Variants in ARHGAP10 observed in about 807,000 individuals in gnomAD.
ARHGAP10 encodes Rho GTPase activating protein 10.
Under a neutral mutation model 108.6 loss-of-function variants are expected in ARHGAP10, and 87 were observed. That is an observed-to-expected ratio of 0.80 (90% CI 0.67 to 0.96). The LOEUF is 0.96. Ranked by LOEUF, ARHGAP10 falls within the 40% of genes least tolerant of loss-of-function variation. The pLI is 0.00. For synonymous variants in ARHGAP10, 347 were observed against 341.1 expected (o/e 1.02, Z -0.19); for missense variants, 939 against 954.5 (o/e 0.98, Z 0.21).
Position 147,913,127 on chromosome 4 carries a change from G to A in ARHGAP10, c.1216G>A (p.Val406Ile), listed in dbSNP as rs139956461. 5.0e-5 allele frequency: 81 copies of A among 1,613,598 alleles called. No individual in the cohort carries two copies. The highest frequency in any genetic ancestry group is 2.3e-4 in the African/African-American group (17 of 75,006). ...AATTATCAGAAAATGCATCAGTGCC[G>A]TTGAAACACGAGGTAATATGATTGA... is the stretch of plus-strand genomic sequence containing the variant. Reference protein sequence around the residue: ...FTIIRKCISAVETRGINDQGL... With the variant: ...FTIIRKCISAIETRGINDQGL... The change falls in exon 13 of 23, where the codon GTT becomes ATT. Residue 406 changes from valine (V) to isoleucine (I), a missense_variant. Transcript: ENST00000336498.
chr4:147,925,905 ACT>A (rs1737443863), intron 13 of ARHGAP10, among the ~76,000 whole-genome samples: 1 of 152,254 alleles, frequency 6.6e-6, no homozygotes, highest in South Asian at 2.1e-4. Context: ...AGGAGGAAAA[ACT>A]CTGAATGCAG....
intron 4 of ARHGAP10, among the ~76,000 whole-genome samples, chr4:147,848,397 G>C (rs1001739886): frequency 1.3e-5 from 2 of 152,240 alleles, no homozygotes; most frequent in Non-Finnish European, 1.5e-5. Context: ...CAGGCAGCTG[G>C]GTTGTCCCCT....
At chr4:147,944,047 A>G (rs1317437476) in intron 14 of ARHGAP10, among the ~76,000 whole-genome samples, 1 of 152,260 alleles carries the variant, frequency 6.6e-6, no homozygotes, top group Non-Finnish European at 1.5e-5. Context: ...CTTGGATTTT[A>G]AAAAGGTGGT....
intron 16 of ARHGAP10, among the ~76,000 whole-genome samples, chr4:147,964,067 C>T (rs779584255): frequency 4.6e-5 from 7 of 152,172 alleles, no homozygotes; most frequent in African/African-American, 1.4e-4. Context: ...CTCACTGACC[C>T]GAGGAAACTG....
intron 3 of ARHGAP10, among the ~76,000 whole-genome samples, chr4:147,827,667 AT>A (rs1340402108): frequency 6.6e-6 from 1 of 152,114 alleles, no homozygotes; most frequent in African/African-American, 2.4e-5. Flanking sequence ...TTTTACTTAA[AT>A]TTTTTTTAAC....
chr4:147,762,124 C>T (rs1431306538), intron 1 of ARHGAP10, among the ~76,000 whole-genome samples: 1 of 152,176 alleles, frequency 6.6e-6, no homozygotes, highest in African/African-American at 2.4e-5. Flanking sequence ...TCTCCTGCTT[C>T]AGCCTCCCGA....
chr4:148,056,524 G>A (rs1036058964), intron 20 of ARHGAP10, among the ~76,000 whole-genome samples: 3 of 152,108 alleles, frequency 2.0e-5, no homozygotes, highest in Admixed American at 6.5e-5. Flanking sequence ...AGCTTCCGTA[G>A]ACCCTTCACT....
intron 18 of ARHGAP10, among the ~76,000 whole-genome samples, chr4:147,996,294 A>G (rs1740477181): frequency 2.0e-5 from 3 of 152,358 alleles, no homozygotes; most frequent in South Asian, 4.1e-4. Flanking sequence ...AAAACAAAAC[A>G]TCAAAATGGA....
chr4:147,875,199 T>C, intron 8 of ARHGAP10, 49 bp downstream of exon 8: 1 of 1,500,272 alleles, frequency 6.7e-7, no homozygotes, highest in African/African-American at 1.4e-5. Context: ...AAATGCAAAT[T>C]ATTGAAAACT....
At chr4:147,875,284 A>C (rs1484428595) in intron 8 of ARHGAP10, 134 bp downstream of exon 8, 4 of 957,262 alleles carry the variant, frequency 4.2e-6, no homozygotes, top group Non-Finnish European at 5.8e-6. Context: ...CTATCACCTA[A>C]TGGGTGTATA....
intron 3 of ARHGAP10, among the ~76,000 whole-genome samples, chr4:147,835,523 G>T (rs1413816692): frequency 6.6e-6 from 1 of 152,136 alleles, no homozygotes; most frequent in Non-Finnish European, 1.5e-5. Flanking sequence ...ACAGGCATGT[G>T]CCACCATGCC....
intron 19 of ARHGAP10, among the ~76,000 whole-genome samples, chr4:148,031,882 T>C (rs1343771240): frequency 6.6e-6 from 1 of 152,168 alleles, no homozygotes; most frequent in African/African-American, 2.4e-5. Context: ...ACCCATTTTA[T>C]TTCAGTGATA....
intron 1 of ARHGAP10, among the ~76,000 whole-genome samples, chr4:147,749,206 T>C (rs922773981): frequency 6.6e-6 from 1 of 152,232 alleles, no homozygotes; most frequent in Non-Finnish European, 1.5e-5. Context: ...CTGTGATTCC[T>C]GTAGCTTGCC....
At chr4:147,991,793 T>C (rs975500591) in intron 18 of ARHGAP10, among the ~76,000 whole-genome samples, 1 of 152,206 alleles carries the variant, frequency 6.6e-6, no homozygotes, top group African/African-American at 2.4e-5. Flanking sequence ...AGGCCTGCTG[T>C]GTTTACTCTT....
chr4:147,950,666 T>G (rs1467990894), intron 15 of ARHGAP10, among the ~76,000 whole-genome samples: 1 of 152,124 alleles, frequency 6.6e-6, no homozygotes, highest in Non-Finnish European at 1.5e-5. Flanking sequence ...AGTGGACCGA[T>G]GTGTGGCATC....
chr4:147,870,022 G>T (rs1348295021), intron 7 of ARHGAP10, among the ~76,000 whole-genome samples: 13 of 151,678 alleles, frequency 8.6e-5, no homozygotes, highest in African/African-American at 1.2e-4. Context: ...GTGTGTGTGT[G>T]TGTGTGTGTG....
intron 1 of ARHGAP10, among the ~76,000 whole-genome samples, chr4:147,822,048 A>T (rs1383789580): frequency 7.9e-5 from 12 of 152,232 alleles, no homozygotes; most frequent in Non-Finnish European, 4.4e-5. Flanking sequence ...ATCACCTAGC[A>T]CGGTGCAAGG....
chr4:147,974,520 T>C (rs1739523016), intron 18 of ARHGAP10, among the ~76,000 whole-genome samples: 1 of 152,322 alleles, frequency 6.6e-6, no homozygotes, highest in South Asian at 2.1e-4. Context: ...AATGTTACTC[T>C]CAGAATTACT....
intron 18 of ARHGAP10, among the ~76,000 whole-genome samples, chr4:148,008,289 C>T (rs1281944552): frequency 1.3e-5 from 2 of 152,038 alleles, no homozygotes; most frequent in African/African-American, 4.8e-5. Context: ...TCAGTATCTC[C>T]CCCAGTTTCA....
Sources: allele counts gnomAD v4.1 joint callset (sites outside exome capture counted in the v4.1 genomes callset), GRCh38; gene constraint gnomAD v4.1.1; transcripts MANE v1.5; gene names NCBI Gene and HGNC (gene_info 2026-07-23, HGNC 2026-07-21).